Variants in MSI2 observed in about 807,000 individuals in gnomAD.
MSI2 encodes the protein RNA-binding protein Musashi homolog 2.
In MSI2, 17 loss-of-function variants were observed where a neutral mutation model predicts 45.6. That is an observed-to-expected ratio of 0.37 (90% CI 0.26 to 0.56). The LOEUF (loss-of-function observed/expected upper bound fraction) is 0.56. MSI2 is among the 20% of genes least tolerant of loss of function. MSI2 has a pLI of 0.77. For missense variants in MSI2, 293 were observed against 444.2 expected, an observed-to-expected ratio of 0.66 and a Z score of 3.06; for synonymous variants, 156 against 158.2, an observed-to-expected ratio of 0.99 and a Z score of 0.11.
At position 57,315,962 on chromosome 17, in the gene MSI2, C is replaced by A. The variant is rs1912818097; in HGVS notation, c.312+53770C>A. Among the ~76,000 whole-genome samples, 3 of 152,004 alleles carry A rather than the reference C, an allele frequency of 2.0e-5. No homozygotes were observed. The South Asian group carries it at 6.3e-4, about 32-fold the overall frequency. ...AGACTCACGTGGGGTATTGAGAGAC[C>A]ATTAGACAGTAAACAGGAGAGGGCT... On this transcript the variant is annotated intron_variant, in intron 5 of 13. Transcript: ENST00000284073.
chr17:57,418,628 T>C lies in MSI2; in HGVS notation c.405+17157T>C, dbSNP rs17221238. ...GACGTGGTAGCCACAAGCTAGAGGA[T>C]TGTACCCACAAACGTGTGCAAAGGC... On this transcript the variant is annotated intron_variant, in intron 6 of 13. Coordinates refer to ENST00000284073, the MANE Select transcript of MSI2 (RefSeq NM_138962.4). 1.2e-4 allele frequency among the ~76,000 whole-genome samples: 19 copies of C among 152,322 alleles called. No homozygotes were observed. In the East Asian group the frequency reaches 2.9e-3, roughly 23 times the overall value.
intron 7 of MSI2, among the ~76,000 whole-genome samples, chr17:57,582,392 A>G (rs1042218718): frequency 3.3e-5 from 5 of 152,110 alleles, no homozygotes; most frequent in African/African-American, 1.2e-4. Flanking sequence ...TAGGACTATA[A>G]TAGGATACAT....
rs532304228 is a variant in MSI2 at position 57,295,431 on chromosome 17, A to G, written c.312+33239A>G. On this transcript the variant is annotated intron_variant, in intron 5 of 13. Coordinates refer to ENST00000284073, the MANE Select transcript of MSI2 (RefSeq NM_138962.4). ...CACACCCACTGAGCATTTTACACAAATAAGAACTCAGTTTCTGACTCTGCA... is the reference window on the plus strand; with the variant it reads ...CACACCCACTGAGCATTTTACACAAGTAAGAACTCAGTTTCTGACTCTGCA... Among the ~76,000 whole-genome samples, 7 of 152,278 alleles carry G rather than the reference A, an allele frequency of 4.6e-5. No homozygotes were observed. The East Asian group carries it at 1.4e-3, about 29-fold the overall frequency.
chr17:57,462,510 C>T (rs1350863177), intron 6 of MSI2, among the ~76,000 whole-genome samples: 1 of 152,236 alleles, frequency 6.6e-6, no homozygotes, highest in Non-Finnish European at 1.5e-5. Flanking sequence ...GGAACATTGA[C>T]TAACTCCTCT....
intron 6 of MSI2, among the ~76,000 whole-genome samples, chr17:57,521,751 G>A (rs1295866321): frequency 6.6e-6 from 1 of 152,150 alleles, no homozygotes; most frequent in Non-Finnish European, 1.5e-5. Context: ...TCACTGGGGA[G>A]CTTTAAAAAA....
At chr17:57,393,930 C>T (rs938821763) in intron 5 of MSI2, among the ~76,000 whole-genome samples, 4 of 152,220 alleles carry the variant, frequency 2.6e-5, no homozygotes, top group Non-Finnish European at 5.9e-5. Context: ...GATCCACCTG[C>T]CTTGGCCTCC....
At chr17:57,647,399 C>T (rs913017090) in intron 10 of MSI2, among the ~76,000 whole-genome samples, 7 of 149,018 alleles carry the variant, frequency 4.7e-5, no homozygotes, top group South Asian at 2.1e-4. Flanking sequence ...CGGCAAGCCA[C>T]GATTGCACCA....
At chr17:57,482,288 A>G (rs1254874537) in intron 6 of MSI2, among the ~76,000 whole-genome samples, 2 of 152,218 alleles carry the variant, frequency 1.3e-5, no homozygotes, top group Non-Finnish European at 2.9e-5. Context: ...TGTTGGAAAC[A>G]CCATCGGCTC....
At chr17:57,526,740 T>C (rs897669488) in intron 6 of MSI2, among the ~76,000 whole-genome samples, 11 of 152,278 alleles carry the variant, frequency 7.2e-5, no homozygotes, top group African/African-American at 2.6e-4. Flanking sequence ...GACTTATCCA[T>C]ATTGATTTTT....
chr17:57,457,496 A>G (rs1037828511), intron 6 of MSI2, among the ~76,000 whole-genome samples: 1 of 152,242 alleles, frequency 6.6e-6, no homozygotes, highest in African/African-American at 2.4e-5. Flanking sequence ...TATTTTAAGG[A>G]GACTAAATTA....
chr17:57,321,183 G>A (rs1341923680), intron 5 of MSI2, among the ~76,000 whole-genome samples: 1 of 151,890 alleles, frequency 6.6e-6, no homozygotes, highest in Admixed American at 6.6e-5. Context: ...CAGCCAGACA[G>A]GCTGGGAAAA....
chr17:57,392,651 A>C (rs2083815844), intron 5 of MSI2, among the ~76,000 whole-genome samples: 1 of 152,188 alleles, frequency 6.6e-6, no homozygotes, highest in South Asian at 2.1e-4. Flanking sequence ...ATTTGTAATT[A>C]GTTTCCTTTG....
chr17:57,293,599 TTTTTTTTG>T (rs1159148287), intron 5 of MSI2, among the ~76,000 whole-genome samples: 1 of 136,796 alleles, frequency 7.3e-6, no homozygotes, highest in Non-Finnish European at 1.5e-5. Flanking sequence ...TTTTTTGTTT[TTTTTTTTG>T]TTTTTTTTTG....
intron 6 of MSI2, among the ~76,000 whole-genome samples, chr17:57,417,881 T>A (rs1598243698): frequency 1.3e-5 from 2 of 152,238 alleles, no homozygotes; most frequent in East Asian, 3.8e-4. Context: ...TGATTCTAGA[T>A]GCCTTTTTGT....
At chr17:57,358,073 C>T (rs990985808) in intron 5 of MSI2, among the ~76,000 whole-genome samples, 1 of 152,176 alleles carries the variant, frequency 6.6e-6, no homozygotes, top group African/African-American at 2.4e-5. Flanking sequence ...GCTTGGCTCC[C>T]ACGGGGAGTT....
rs12450649 is a variant in MSI2, at chr17:57,679,628, C to G, written c.*111C>G. 9.4e-7 allele frequency: 1 copy of G among 1,063,660 alleles called. No homozygotes were observed. The highest frequency in any genetic ancestry group is 1.6e-5 in the African/African-American group (1 of 60,974). The allele number at this position is 1,063,660 out of a possible 1,614,324, so 65.9% of individuals were successfully genotyped here. A position where few individuals can be genotyped will look rare whatever the true frequency, so the allele number is the denominator to read the frequency against. On this transcript the variant is annotated 3_prime_UTR_variant, in exon 14 of 14. Transcript: ENST00000284073. ...TTAGGTGATGTCCTCAGACCTGGAC[C>G]CCCACCAGCCTCACTCCCCATCCCA... is the stretch of plus-strand genomic sequence containing the variant.
At chr17:57,273,664 T>C (rs1325464063) in intron 5 of MSI2, among the ~76,000 whole-genome samples, 1 of 152,180 alleles carries the variant, frequency 6.6e-6, no homozygotes, top group Non-Finnish European at 1.5e-5. Context: ...ATGTTGTGAT[T>C]GCCTTTATTG....
intron 5 of MSI2, among the ~76,000 whole-genome samples, chr17:57,373,030 C>A (rs1355352129): frequency 6.6e-6 from 1 of 152,082 alleles, no homozygotes; most frequent in African/African-American, 2.4e-5. Flanking sequence ...AGGTGGATCA[C>A]CTTAGGTCAG....
At chr17:57,606,236 C>A (rs750866761) in intron 8 of MSI2, 3 of 152,368 alleles carry the variant, frequency 2.0e-5, no homozygotes, top group Non-Finnish European at 2.9e-5. Context: ...GACTTCATCA[C>A]CTTCAAAGGC....
Sources: gnomAD v4.1 joint callset for allele counts (sites outside exome capture counted in the v4.1 genomes callset) on GRCh38, gnomAD v4.1.1 for gene constraint, MANE v1.5 for transcripts, NCBI Gene and HGNC (gene_info 2026-07-23, HGNC 2026-07-21) for gene names.